The following INO80 variants were observed in gnomAD, a reference collection of about 807,000 sequenced individuals.
The protein encoded by INO80 is INO80 complex ATPase subunit.
INO80 carries 20 observed loss-of-function variants against 203.4 expected under a neutral mutation model. The ratio of observed to expected loss-of-function variants is 0.10; its 90% confidence interval spans 0.07 to 0.14. The LOEUF (loss-of-function observed/expected upper bound fraction) is 0.14, where lower values mean the gene tolerates loss of function less well. Ranked by LOEUF, INO80 falls within the 10% of genes least tolerant of loss-of-function variation. INO80 has a pLI of 1.00. For synonymous variants in INO80, 726 were observed against 685.2 expected, an observed-to-expected ratio of 1.06 and a Z score of -0.93; for missense variants, 1,419 against 1,914.4, an observed-to-expected ratio of 0.74 and a Z score of 4.83.
intron 1 of INO80, among the ~76,000 whole-genome samples, chr15:41,100,624 A>C (rs1200631224): frequency 2.6e-5 from 4 of 152,148 alleles, no homozygotes; most frequent in African/African-American, 9.7e-5. Flanking sequence ...CCACCAAAAA[A>C]AGGTGCTGTA....
At chr15:41,053,713 G>C (rs973793805) in intron 19 of INO80, among the ~76,000 whole-genome samples, 5 of 152,090 alleles carry the variant, frequency 3.3e-5, no homozygotes, top group African/African-American at 1.2e-4. Flanking sequence ...TTTTTGTAAT[G>C]TTTCAAATTC....
chr15:41,034,387 C>T (rs1226031836), intron 24 of INO80, among the ~76,000 whole-genome samples: 2 of 152,134 alleles, frequency 1.3e-5, no homozygotes, highest in Non-Finnish European at 2.9e-5. Context: ...GAATATGGCT[C>T]AGGTAGTATG....
chr15:41,019,013 G>C (rs1566913076), intron 26 of INO80, among the ~76,000 whole-genome samples: 1 of 152,186 alleles, frequency 6.6e-6, no homozygotes, highest in Non-Finnish European at 1.5e-5. Context: ...ACTTTCATTA[G>C]ACACAGGTTT....
In INO80 at chr15:41,045,014, C is replaced by G; in HGVS notation, c.2797G>C (p.Gly933Arg). The G allele has an allele frequency of 6.2e-7, 1 of 1,613,708 alleles. No individual in the cohort carries two copies. The highest frequency in any genetic ancestry group is 8.5e-7 in the Non-Finnish European group (1 of 1,179,914). Residue 933 changes from glycine (G) to arginine (R), a missense_variant, in exon 24 of 36, where the codon GGA (glycine) becomes CGA (arginine). Gly to Arg is a moderately radical substitution (Grantham distance 125). Around this residue, in one of 9 missense-constraint regions of INO80, gnomAD observed 302 missense variants for 345.4 expected, o/e 0.87. Coordinates refer to ENST00000648947, the MANE Select transcript of INO80 (RefSeq NM_017553.3). ...TGGTGGCTCTCCCCTTCTGGCGCTC[C>G]CCAGGAGCGTAGCTGATGGAGCCTG... Reference protein sequence around the residue: ...SYRLHQLRSWGAPEGESHQRY... With the variant: ...SYRLHQLRSWRAPEGESHQRY...
intron 5 of INO80, among the ~76,000 whole-genome samples, chr15:41,091,514 C>T (rs2045641277): frequency 6.6e-6 from 1 of 152,082 alleles, no homozygotes; most frequent in Non-Finnish European, 1.5e-5. Flanking sequence ...CTGATGCTCT[C>T]CCTCCTCCTG....
chr15:41,061,229 G>C, intron 14 of INO80, among the ~76,000 whole-genome samples: 1 of 152,068 alleles, frequency 6.6e-6, no homozygotes. Context: ...GCTTGAGCCT[G>C]GGAGAGGTTG....
chr15:41,109,354 T>A (rs1045586415), intron 1 of INO80, among the ~76,000 whole-genome samples: 16 of 151,672 alleles, frequency 1.1e-4, no homozygotes, highest in African/African-American at 3.6e-4. Context: ...CTGGGGAGGC[T>A]GAGGCAGAAC....
Position 41,061,786 on chromosome 15 carries a change from C to G in INO80, c.1783-1860G>C, listed in dbSNP as rs560192282. Among the ~76,000 whole-genome samples the G allele has an allele frequency of 7.9e-5, 12 of 151,952 alleles. No homozygotes were observed. In the East Asian group the frequency reaches 2.3e-3, roughly 29 times the overall value. On this transcript the variant is annotated intron_variant, in intron 14 of 35. Transcript: ENST00000648947. ...AACTGAAAAATATAGTAACTAAAAT[C>G]AAGAAATTAATGAATGGATCTAATG...
intron 15 of INO80, among the ~76,000 whole-genome samples, chr15:41,059,181 C>T (rs1369535739): frequency 1.3e-5 from 2 of 151,086 alleles, no homozygotes; most frequent in Non-Finnish European, 3.0e-5. Context: ...AGGCTGGTCT[C>T]GAACTCCTGG....
Position 40,994,980 on chromosome 15 carries a change from C to T in INO80, c.3570+2549G>A, listed in dbSNP as rs189887307. Among the ~76,000 whole-genome samples, 950 of 152,242 alleles carry T rather than the reference C, an allele frequency of 6.2e-3. 8 individuals carry two copies. The highest frequency in any genetic ancestry group is 0.027 in the Middle Eastern group (8 of 294). On this transcript the variant is annotated intron_variant, in intron 29 of 35. Coordinates refer to ENST00000648947, the MANE Select transcript of INO80 (RefSeq NM_017553.3). Reference sequence around the variant, plus strand: ...AAGTGATTCTCCTGCCTCAGCCTCCCGAGTAGCTGGGACCACAGGCATGCG... The same window carrying T: ...AAGTGATTCTCCTGCCTCAGCCTCCTGAGTAGCTGGGACCACAGGCATGCG...
intron 23 of INO80, among the ~76,000 whole-genome samples, chr15:41,045,581 CAA>C (rs61411603): frequency 7.7e-6 from 1 of 129,346 alleles, no homozygotes. Flanking sequence ...GACTCTGTCT[CAA>C]AAAAAAAAAA....
intron 28 of INO80, among the ~76,000 whole-genome samples, chr15:41,002,619 T>C (rs1438499150): frequency 6.6e-6 from 1 of 152,238 alleles, no homozygotes; most frequent in Non-Finnish European, 1.5e-5. Flanking sequence ...CAAAGAAATA[T>C]ACATAGTCTT....
At chr15:41,079,623 C>T (rs1180568473) in intron 9 of INO80, 78 bp downstream of exon 9, 9 of 1,172,040 alleles carry the variant, frequency 7.7e-6, no homozygotes, top group Non-Finnish European at 1.1e-5. Context: ...GTTAGATGTA[C>T]AATTTTCAAA....
intron 19 of INO80, among the ~76,000 whole-genome samples, chr15:41,052,581 G>A (rs1424879042): frequency 1.3e-5 from 2 of 151,270 alleles, no homozygotes; most frequent in Non-Finnish European, 2.9e-5. Context: ...GCTGAGGTGG[G>A]AGGACTGCTT....
At chr15:41,040,560 T>G (rs1471368104) in intron 24 of INO80, among the ~76,000 whole-genome samples, 1 of 152,100 alleles carries the variant, frequency 6.6e-6, no homozygotes, top group Non-Finnish European at 1.5e-5. Context: ...GACACAAAAA[T>G]TATTCACTAT....
At chr15:40,983,543 T>C (rs1893913991) in intron 34 of INO80, among the ~76,000 whole-genome samples, 1 of 152,086 alleles carries the variant, frequency 6.6e-6, no homozygotes, top group African/African-American at 2.4e-5. Context: ...TCAGCAAAAA[T>C]AATGGTGAAT....
intron 29 of INO80, 137 bp from the exon 30 acceptor site, chr15:40,988,111 A>G: frequency 1.6e-6 from 1 of 632,828 alleles, no homozygotes; most frequent in Non-Finnish European, 2.7e-6. Flanking sequence ...GCTAAGTAAG[A>G]TACATCTTAG....
intron 1 of INO80, among the ~76,000 whole-genome samples, chr15:41,107,042 C>A (rs1330694574): frequency 6.6e-6 from 1 of 152,230 alleles, no homozygotes; most frequent in African/African-American, 2.4e-5. Context: ...TTTTGTCTTA[C>A]AGATTCCACT....
At position 41,002,495 on chromosome 15, in the gene INO80, C is replaced by G. The variant is rs866751435; in HGVS notation, c.3497+3098G>C. ...GCCCTGGGTCTCACAGCCCAGTTTT[C>G]TAATAATTGGGTAAGCCAGGAGAAC... is the stretch of plus-strand genomic sequence containing the variant. On this transcript the variant is annotated intron_variant, in intron 28 of 35. Coordinates refer to ENST00000648947, the MANE Select transcript of INO80 (RefSeq NM_017553.3). Among the ~76,000 whole-genome samples the G allele has an allele frequency of 4.6e-5, 7 of 152,288 alleles. No homozygotes were observed. The South Asian group carries it at 1.0e-3, about 23-fold the overall frequency.
Sources: gnomAD v4.1 joint callset for allele counts (sites outside exome capture counted in the v4.1 genomes callset) on GRCh38, gnomAD v4.1.1 for gene constraint, gnomAD v4.1.1 regional missense constraint, MANE v1.5 for transcripts, NCBI Gene and HGNC (gene_info 2026-07-23, HGNC 2026-07-21) for gene names.